UNC79: variants seen among roughly 807,000 people sequenced by gnomAD.
UNC79 encodes the protein unc-79 subunit of NALCN channel complex.
In UNC79, 37 loss-of-function variants were observed where a neutral mutation model predicts 283.1. The ratio of observed to expected loss-of-function variants is 0.13; its 90% CI spans 0.10 to 0.17. UNC79 has a LOEUF of 0.17. UNC79 is among the 10% of genes least tolerant of loss of function. The probability of loss-of-function intolerance (pLI) is 1.00; values close to 1 mark genes in which losing one functional copy is unlikely to be tolerated. For synonymous variants in UNC79, 1,107 were observed against 1,200.2 expected (o/e 0.92, Z 1.61); for missense variants, 2,272 against 3,211.1 (o/e 0.71, Z 7.07).
At chr14:93,643,675 G>A in exon 34 of UNC79, 1 of 1,612,830 alleles carries the variant, frequency 6.2e-7, no homozygotes, top group Non-Finnish European at 8.5e-7. Context: ...GCTGCTGCTG[G>A]ATATCATGCA....
chr14:93,670,417 A>G (rs189436733), intron 40 of UNC79, among the ~76,000 whole-genome samples: 2 of 152,272 alleles, frequency 1.3e-5, no homozygotes, highest in East Asian at 1.9e-4. Context: ...CTTTGGGCTC[A>G]ATTAATTTGG....
rs147674976 is a variant in UNC79, at chr14:93,580,162, A to G, written c.2447A>G (p.Asp816Gly). The G allele has an allele frequency of 2.0e-5, 32 of 1,613,134 alleles. No individual in the cohort carries two copies. In the African/African-American group the frequency reaches 3.9e-4, roughly 20 times the overall value. The change falls in exon 19 of 49, where the codon GAT (aspartate) becomes GGT (glycine). Residue 816 changes from aspartate (D) to glycine (G), a missense_variant. Asp to Gly is a moderately conservative substitution (Grantham distance 94). Coordinates refer to ENST00000555664, the Ensembl canonical transcript of UNC79. ...GATGTCTTTCAGATGGAGTTACAAGATGATGGAATCACGATGGGTTTAGAG... is the reference window on the plus strand; with the variant it reads ...GATGTCTTTCAGATGGAGTTACAAGGTGATGGAATCACGATGGGTTTAGAG...
At chr14:93,518,700 T>G (rs2060186216) in intron 7 of UNC79, among the ~76,000 whole-genome samples, 1 of 151,954 alleles carries the variant, frequency 6.6e-6, no homozygotes, top group South Asian at 2.1e-4. Flanking sequence ...ATTTAATCAT[T>G]GCTTTAGTTG....
intron 7 of UNC79, among the ~76,000 whole-genome samples, chr14:93,511,281 C>CAT (rs1299708453): frequency 6.6e-6 from 1 of 152,086 alleles, no homozygotes; most frequent in Non-Finnish European, 1.5e-5. Flanking sequence ...AAATCCAAGC[C>CAT]ATATTAGATA....
intron 1 of UNC79, among the ~76,000 whole-genome samples, chr14:93,355,602 G>A (rs2054070451): frequency 6.6e-6 from 1 of 152,080 alleles, no homozygotes; most frequent in Non-Finnish European, 1.5e-5. Context: ...CAAAGTACTG[G>A]GATTATAGAT....
upstream of UNC79, among the ~76,000 whole-genome samples, chr14:93,429,386 A>G (rs1052967088): frequency 5.3e-5 from 8 of 152,214 alleles, no homozygotes; most frequent in Admixed American, 2.0e-4. Context: ...TCAGAGTCCA[A>G]TCACATATGC....
intron 40 of UNC79, among the ~76,000 whole-genome samples, chr14:93,666,059 G>T (rs1417740715): frequency 1.4e-5 from 1 of 72,594 alleles, no homozygotes; most frequent in African/African-American, 6.7e-5. Flanking sequence ...TGTAAGGGGT[G>T]TGTGTTTGTG....
intron 46 of UNC79, 34 bp downstream of exon 49, chr14:93,691,980 G>A: frequency 1.2e-6 from 2 of 1,602,290 alleles, no homozygotes; most frequent in Non-Finnish European, 1.7e-6. Flanking sequence ...TTCTGAGATG[G>A]AATCTCAAAG....
At chr14:93,379,803 C>T (rs183994193) in intron 1 of UNC79, among the ~76,000 whole-genome samples, 1 of 151,992 alleles carries the variant, frequency 6.6e-6, no homozygotes, top group African/African-American at 2.4e-5. Context: ...GAAATCACTA[C>T]TAAAGAACTT....
At chr14:93,687,108 C>T (rs147132155) in intron 43 of UNC79, among the ~76,000 whole-genome samples, 8 of 152,104 alleles carry the variant, frequency 5.3e-5, no homozygotes, top group African/African-American at 7.2e-5. Context: ...ATTTGAAGAA[C>T]GAATCTAATC....
chr14:93,497,085 G>T, intron 6 of UNC79, 72 bp from the exon 7 acceptor site: 2 of 1,517,142 alleles, frequency 1.3e-6, no homozygotes, highest in Admixed American at 2.1e-5. Flanking sequence ...CACTGCTTTG[G>T]TAATGTTGAA....
intron 1 of UNC79, chr14:93,347,463 G>C: frequency 7.3e-7 from 1 of 1,378,334 alleles, no homozygotes; most frequent in Non-Finnish European, 9.3e-7. Flanking sequence ...CCGACGGGTG[G>C]GGAGAAGGGA....
At chr14:93,395,436 A>G (rs567282500) in intron 1 of UNC79, among the ~76,000 whole-genome samples, 15 of 152,326 alleles carry the variant, frequency 9.8e-5, no homozygotes, top group Non-Finnish European at 1.6e-4. Context: ...GAACAAGCAC[A>G]TCTTACCATG....
chr14:93,410,206 A>G (rs1292143532), intron 1 of UNC79, among the ~76,000 whole-genome samples: 1 of 152,246 alleles, frequency 6.6e-6, no homozygotes, highest in African/African-American at 2.4e-5. Flanking sequence ...CTGCCCTGTC[A>G]TAGCAAAAAG....
chr14:93,431,354 C>CG (rs2055869042), intron 1 of UNC79, among the ~76,000 whole-genome samples: 1 of 151,090 alleles, frequency 6.6e-6, no homozygotes, highest in African/African-American at 2.4e-5. Flanking sequence ...AAAGAGGCCT[C>CG]GTATCTTTCA....
chr14:93,460,100 G>T (rs1257190160), intron 1 of UNC79, among the ~76,000 whole-genome samples: 1 of 127,106 alleles, frequency 7.9e-6, no homozygotes, highest in Non-Finnish European at 1.7e-5. Context: ...AGGCCAAGGC[G>T]GGCGGATCAC....
At chr14:93,681,075 G>A (rs74417249) in intron 41 of UNC79, among the ~76,000 whole-genome samples, 2,517 of 152,274 alleles carry the variant, frequency 0.017, 71 homozygotes, top group African/African-American at 0.058. Context: ...AAAACGCTAG[G>A]TGTTCCCAGG....
At chr14:93,421,890 A>G (rs1292787859) in intron 1 of UNC79, among the ~76,000 whole-genome samples, 3 of 151,854 alleles carry the variant, frequency 2.0e-5, no homozygotes, top group Non-Finnish European at 4.4e-5. Context: ...TCATATCAAC[A>G]GAATGAGGGA....
At chr14:93,616,846 T>C (rs1426227023) in intron 27 of UNC79, among the ~76,000 whole-genome samples, 3 of 152,220 alleles carry the variant, frequency 2.0e-5, no homozygotes, top group Non-Finnish European at 4.4e-5. Context: ...CTCTGGTTAA[T>C]AGTTGAATGG....
Sources: gnomAD v4.1 joint callset for allele counts (sites outside exome capture counted in the v4.1 genomes callset) on GRCh38, gnomAD v4.1.1 for gene constraint, MANE v1.5 for transcripts, NCBI Gene and HGNC (gene_info 2026-07-23, HGNC 2026-07-21) for gene names.